ZNF92: variants seen among roughly 807,000 people sequenced by gnomAD.
The protein encoded by ZNF92 is zinc finger protein 92.
Under a neutral mutation model 12.4 loss-of-function variants are expected in ZNF92, and 11 were observed. The ratio of observed to expected loss-of-function variants is 0.89; its 90% CI spans 0.56 to 1.47. The LOEUF is 1.47. Among genes scored for constraint, ZNF92 ranks in the 40% most tolerant of loss-of-function variants. The probability of loss-of-function intolerance (pLI) is 0.00; values close to 1 mark genes in which losing one functional copy is unlikely to be tolerated. For missense variants in ZNF92, 622 were observed against 681.0 expected, an observed-to-expected ratio of 0.91 and a Z score of 0.96; for synonymous variants, 206 against 228.6, an observed-to-expected ratio of 0.90 and a Z score of 0.89.
chr7:65,398,353 A>T lies in ZNF92; in HGVS notation c.239A>T (p.His80Leu), dbSNP rs1214153601. 6.4e-7 allele frequency: 1 copy of T among 1,552,666 alleles called. No individual in the cohort carries two copies. Among genetic ancestry groups the T allele is most frequent in the Non-Finnish European group, 8.7e-7 (1 of 1,153,042 alleles). Residue 80 changes from histidine (H) to leucine (L), a missense_variant, in exon 4 of 4, where the codon CAT becomes CTT. Transcript: ENST00000328747. ...TTATTTTTTTCAGTTATGTGTTCTC[A>T]TTTTGCCCAAGATGTTTGGCCAGAG... ...MVDKTPVMCS[H>L]FAQDVWPEHS...
chr7:65,382,062 C>CA (rs1793433912), intron 1 of ZNF92, among the ~76,000 whole-genome samples: 2 of 152,064 alleles, frequency 1.3e-5, no homozygotes, highest in Non-Finnish European at 2.9e-5. Context: ...TACCTCCTGT[C>CA]ACGAAGATGT....
chr7:65,399,468 C>A lies in ZNF92; in HGVS notation c.1354C>A (p.Pro452Thr). Residue 452 changes from proline (P) to threonine (T), a missense_variant, in exon 4 of 4, where the codon CCC becomes ACC. Coordinates refer to ENST00000328747, the MANE Select transcript of ZNF92 (RefSeq NM_152626.4). Reference protein sequence around the residue: ...KHKRNHMEDKPYKCEECGKAF... With the variant: ...KHKRNHMEDKTYKCEECGKAF... ...TAAGAGAAATCATATGGAAGATAAA[C>A]CCTACAAATGTGAAGAATGTGGCAA... The A allele has an allele frequency of 6.2e-7, 1 of 1,613,360 alleles. No individual in the cohort carries two copies. The highest frequency in any genetic ancestry group is 8.5e-7 in the Non-Finnish European group (1 of 1,179,726).
At chr7:65,389,758 G>A (rs190590164) in intron 3 of ZNF92, among the ~76,000 whole-genome samples, 1,829 of 151,504 alleles carry the variant, frequency 0.012, 46 homozygotes, top group African/African-American at 0.04. Context: ...CTTGTGATCC[G>A]CCCGCCTCGG....
At chr7:65,386,780 C>T (rs1342291595) in intron 1 of ZNF92, among the ~76,000 whole-genome samples, 2 of 152,076 alleles carry the variant, frequency 1.3e-5, no homozygotes, top group African/African-American at 4.8e-5. Context: ...AATATCCCAG[C>T]AGTGATGCTG....
intron 3 of ZNF92, among the ~76,000 whole-genome samples, chr7:65,392,209 C>G (rs545240490): frequency 1.3e-5 from 2 of 151,982 alleles, no homozygotes; most frequent in South Asian, 4.2e-4. Context: ...TATATTCTTT[C>G]TTAGCTGATT....
chr7:65,398,030 A>G lies in ZNF92; in HGVS notation c.227-311A>G, dbSNP rs551476129. Among the ~76,000 whole-genome samples the G allele has an allele frequency of 2.0e-5, 3 of 152,238 alleles. No individual in the cohort carries two copies. The East Asian group carries it at 5.8e-4, about 29-fold the overall frequency. On this transcript the variant is annotated intron_variant, in intron 3 of 3. Transcript: ENST00000328747. ...GAGTTGGCAATTTGTTGCTGAAGAC[A>G]CTAGGTTATTGAGGAGCAGGAAGAG...
chr7:65,373,983 C>T lies in ZNF92; in HGVS notation c.-15C>T, dbSNP rs1793162574. ...GTTCACAGCTAAGACGCCAGGACCCCCTGGAAGCCTAGAAATGGTGAGCCT... is the reference window on the plus strand; with the variant it reads ...GTTCACAGCTAAGACGCCAGGACCCTCTGGAAGCCTAGAAATGGTGAGCCT... On this transcript the variant is annotated 5_prime_UTR_variant, in exon 1 of 4. Coordinates refer to ENST00000328747, the MANE Select transcript of ZNF92 (RefSeq NM_152626.4). 17 of 1,614,012 alleles carry T rather than the reference C, an allele frequency of 1.1e-5. No homozygotes were observed. The highest frequency in any genetic ancestry group is 1.4e-5 in the Non-Finnish European group (16 of 1,180,026).
chr7:65,376,260 T>C (rs979727918), intron 1 of ZNF92, among the ~76,000 whole-genome samples: 1 of 152,076 alleles, frequency 6.6e-6, no homozygotes, highest in Non-Finnish European at 1.5e-5. Context: ...GTTTGTCACC[T>C]TGAAAATATT....
In ZNF92 at chr7:65,399,912, T is replaced by C; in HGVS notation, c.*37T>C. 1 of 1,507,570 alleles carries C rather than the reference T, an allele frequency of 6.6e-7. No individual in the cohort carries two copies. The highest frequency in any genetic ancestry group is 1.4e-5 in the South Asian group (1 of 73,008). 93.4% of individuals were successfully genotyped at this position (1,507,570 alleles called of 1,614,324 possible). On this transcript the variant is annotated 3_prime_UTR_variant, in exon 4 of 4. Transcript: ENST00000328747. Reference sequence around the variant, plus strand: ...ATGATTTTCACTACACCTCAAACTTTTCTAAACATAAACCATATTGGTGCC... The same window carrying C: ...ATGATTTTCACTACACCTCAAACTTCTCTAAACATAAACCATATTGGTGCC...
chr7:65,388,147 G>T, intron 2 of ZNF92, 119 bp downstream of exon 2: 6 of 1,133,752 alleles, frequency 5.3e-6, no homozygotes, highest in Non-Finnish European at 7.3e-6. Context: ...CAGTTTTCAA[G>T]AAAACAGAGA....
chr7:65,374,102 G>A lies in ZNF92; in HGVS notation c.3+102G>A, dbSNP rs1429709775. The A allele has an allele frequency of 6.6e-6, 10 of 1,511,364 alleles. No homozygotes were observed. In the African/African-American group the frequency reaches 1.4e-4, roughly 21 times the overall value. 93.6% of individuals were successfully genotyped at this position (1,511,364 alleles called of 1,614,324 possible). ...CTCGGGCCTTCCCGCAGTCGGCTCC[G>A]AGATCCGCGGCCCGAGTTCTCCTTG... is the stretch of plus-strand genomic sequence containing the variant. On this transcript the variant is annotated intron_variant, in intron 1 of 3. Transcript: ENST00000328747.
intron 1 of ZNF92, 89 bp downstream of exon 1, chr7:65,374,089 C>G (rs1395603449): frequency 1.9e-6 from 3 of 1,569,868 alleles, no homozygotes; most frequent in East Asian, 2.2e-5. Flanking sequence ...CGGGCCTTCC[C>G]GCAGTCGGCT....
intron 1 of ZNF92, among the ~76,000 whole-genome samples, chr7:65,377,727 C>T (rs1793285993): frequency 6.6e-6 from 1 of 151,686 alleles, no homozygotes; most frequent in Non-Finnish European, 1.5e-5. Flanking sequence ...CCACCACACC[C>T]AGCTAATTTT....
chr7:65,383,826 TG>T (rs2116356404), intron 1 of ZNF92, among the ~76,000 whole-genome samples: 1 of 152,298 alleles, frequency 6.6e-6, no homozygotes, highest in Non-Finnish European at 1.5e-5. Flanking sequence ...CTCTACTGCC[TG>T]GCTTACTACT....
rs778136317 is a variant in ZNF92 at position 65,398,944 on chromosome 7, G to C, written c.830G>C (p.Arg277Thr). 6.2e-7 allele frequency: 1 copy of C among 1,611,154 alleles called. No homozygotes were observed. Among genetic ancestry groups the C allele is most frequent in the East Asian group, 2.2e-5 (1 of 44,688 alleles). Reference sequence around the variant, plus strand: ...TCCTCAACCCTTACTAAACATAAAAGAATTCATACAGAAGAGAAACCCTAC... The same window carrying C: ...TCCTCAACCCTTACTAAACATAAAACAATTCATACAGAAGAGAAACCCTAC... ...NRSSTLTKHK[R>T]IHTEEKPYKC... is the part of the protein sequence containing the mutation. Residue 277 changes from arginine to threonine, a missense_variant, in exon 4 of 4, where the codon AGA becomes ACA. Physicochemically the swap from Arg to Thr is moderately conservative, Grantham distance 71. Coordinates refer to ENST00000328747, the MANE Select transcript of ZNF92 (RefSeq NM_152626.4).
In ZNF92 at chr7:65,373,902, G is replaced by A; in HGVS notation, c.-96G>A. The A allele has an allele frequency of 6.4e-7, 1 of 1,555,212 alleles. No homozygotes were observed. On this transcript the variant is annotated 5_prime_UTR_variant, in exon 1 of 4. Transcript: ENST00000328747. ...CCACGTCTAGTCTTCACTGCTCTGC[G>A]TCCTGTGCTGATAAAGGCTCGCCGC... is the stretch of plus-strand genomic sequence containing the variant.
intron 1 of ZNF92, among the ~76,000 whole-genome samples, chr7:65,382,814 T>C (rs1238825404): frequency 1.3e-5 from 2 of 152,116 alleles, no homozygotes; most frequent in Admixed American, 1.3e-4. Flanking sequence ...ACATTCTGAA[T>C]CTGGGTCTTG....
Position 65,400,502 on chromosome 7 carries a change from C to T in ZNF92, c.*627C>T, listed in dbSNP as rs1793985956. 1 of 151,834 alleles carries T rather than the reference C, an allele frequency of 6.6e-6. No individual in the cohort carries two copies. Among genetic ancestry groups the T allele is most frequent in the African/African-American group, 2.4e-5 (1 of 41,350 alleles). The allele number at this position is 151,834 out of a possible 1,614,324, so 9.4% of individuals were successfully genotyped here. A position where few individuals can be genotyped will look rare whatever the true frequency, so the allele number is the denominator to read the frequency against. ...AGTAAATATGAAAAATATTTAATCC[C>T]AAATTAAGTCTATGTAAATATCAGA... On this transcript the variant is annotated 3_prime_UTR_variant, in exon 4 of 4. Transcript: ENST00000328747.
intron 1 of ZNF92, among the ~76,000 whole-genome samples, chr7:65,384,110 G>T (rs1209057068): frequency 6.6e-6 from 1 of 151,836 alleles, no homozygotes; most frequent in Non-Finnish European, 1.5e-5. Flanking sequence ...ACCTTGTTAA[G>T]AATACATATT....
Sources: gnomAD v4.1 joint callset for allele counts (sites outside exome capture counted in the v4.1 genomes callset) on GRCh38, gnomAD v4.1.1 for gene constraint, MANE v1.5 for transcripts, NCBI Gene and HGNC (gene_info 2026-07-23, HGNC 2026-07-21) for gene names.